Variants in CNIH3 observed in about 807,000 individuals in gnomAD.
CNIH3 encodes the protein protein cornichon homolog 3.
A neutral mutation model predicts 24.1 loss-of-function variants in CNIH3; 14 were observed. That is an observed-to-expected ratio of 0.58 (90% CI 0.38 to 0.91). The LOEUF (loss-of-function observed/expected upper bound fraction) is 0.91, where lower values mean the gene tolerates loss of function less well. CNIH3 is among the 40% of genes least tolerant of loss of function. The probability of loss-of-function intolerance (pLI) is 0.00; values close to 1 mark genes in which losing one functional copy is unlikely to be tolerated. For synonymous variants in CNIH3, 68 were observed against 73.8 expected (o/e 0.92, Z 0.40); for missense variants, 178 against 196.8 (o/e 0.90, Z 0.57).
chr1:224,625,495 G>T (rs961306056), intron 1 of CNIH3, among the ~76,000 whole-genome samples: 4 of 152,346 alleles, frequency 2.6e-5, no homozygotes, highest in Admixed American at 6.5e-5. Flanking sequence ...GACAGAGCTG[G>T]CAGTGAGCTG....
chr1:224,705,267 G>C (rs7511897), intron 3 of CNIH3, among the ~76,000 whole-genome samples: 70,230 of 152,114 alleles, frequency 0.46, 17,019 homozygotes, highest in Middle Eastern at 0.6. Flanking sequence ...AGTTCCCCAT[G>C]TATTTCTAAT....
At chr1:224,464,057 G>A (rs1003311639) in intron 1 of CNIH3, among the ~76,000 whole-genome samples, 15 of 151,992 alleles carry the variant, frequency 9.9e-5, no homozygotes, top group Admixed American at 1.3e-4. Flanking sequence ...CCAAAGTGCT[G>A]GGATTACAGG....
chr1:224,441,837 C>T (rs1053485993), intron 1 of CNIH3, among the ~76,000 whole-genome samples: 1 of 151,692 alleles, frequency 6.6e-6, no homozygotes, highest in African/African-American at 2.4e-5. Flanking sequence ...AATGTATAGG[C>T]AAACATGAAA....
At chr1:224,493,912 G>A (rs1677332944) in intron 1 of CNIH3, among the ~76,000 whole-genome samples, 1 of 152,136 alleles carries the variant, frequency 6.6e-6, no homozygotes, top group Non-Finnish European at 1.5e-5. Context: ...GCTTATCACT[G>A]CCACAGAACC....
chr1:224,646,859 G>A (rs1684629579), intron 1 of CNIH3, among the ~76,000 whole-genome samples: 1 of 152,204 alleles, frequency 6.6e-6, no homozygotes, highest in Non-Finnish European at 1.5e-5. Context: ...TGTCCAGTGT[G>A]TGACATTTTA....
chr1:224,671,714 C>G (rs946429386), intron 1 of CNIH3, among the ~76,000 whole-genome samples: 1 of 152,212 alleles, frequency 6.6e-6, no homozygotes, highest in Non-Finnish European at 1.5e-5. Context: ...TTCAACTACT[C>G]CATGACATCT....
chr1:224,483,684 C>T (rs1478999220), intron 1 of CNIH3, among the ~76,000 whole-genome samples: 2 of 152,034 alleles, frequency 1.3e-5, no homozygotes, highest in Non-Finnish European at 2.9e-5. Flanking sequence ...AGGTGTGAGC[C>T]ACCACACCCG....
chr1:224,668,790 G>A (rs1228911369), intron 1 of CNIH3, among the ~76,000 whole-genome samples: 2 of 152,124 alleles, frequency 1.3e-5, no homozygotes, highest in Non-Finnish European at 2.9e-5. Context: ...GGACGCACAA[G>A]TTTGGTGAGA....
intron 3 of CNIH3, among the ~76,000 whole-genome samples, chr1:224,559,216 C>CA (rs1178846600): frequency 2.0e-5 from 3 of 152,144 alleles, no homozygotes; most frequent in African/African-American, 7.2e-5. Flanking sequence ...GGGTTCTAGG[C>CA]AGACAGTTTT....
intron 2 of CNIH3, among the ~76,000 whole-genome samples, chr1:224,523,777 G>T (rs1291920332): frequency 6.6e-6 from 1 of 152,182 alleles, no homozygotes; most frequent in Non-Finnish European, 1.5e-5. Context: ...GTACAAATCA[G>T]TGATTCATTA....
intron 1 of CNIH3, among the ~76,000 whole-genome samples, chr1:224,625,761 C>T (rs145617366): frequency 6.5e-4 from 99 of 152,248 alleles, no homozygotes; most frequent in African/African-American, 2.2e-3. Flanking sequence ...CCAAAGAAGA[C>T]GAGCTGTGAC....
chr1:224,683,494 A>T (rs2125147642), intron 2 of CNIH3, among the ~76,000 whole-genome samples: 1 of 152,340 alleles, frequency 6.6e-6, no homozygotes, highest in African/African-American at 2.4e-5. Flanking sequence ...CAGGTGGCTT[A>T]AAAAAGCTAC....
chr1:224,686,765 C>G (rs1488311597), intron 3 of CNIH3, among the ~76,000 whole-genome samples: 1 of 152,246 alleles, frequency 6.6e-6, no homozygotes, highest in Non-Finnish European at 1.5e-5. Context: ...TCCGGCCAGG[C>G]AGCAGGCAAT....
chr1:224,440,182 A>G lies in CNIH3; in HGVS notation n.203+5320A>G, dbSNP rs1040295528. Among the ~76,000 whole-genome samples the G allele has an allele frequency of 1.1e-4, 16 of 152,328 alleles. No homozygotes were observed. In the South Asian group the frequency reaches 2.7e-3, roughly 26 times the overall value. On this transcript the variant is annotated intron_variant and non_coding_transcript_variant, in intron 1 of 5. Coordinates refer to the CNIH3 transcript ENST00000471578. ...ATGGTCCGCCTGCCTCGGCGTCCCA[A>G]AGTGCTGGGATTACAGGCATGGGCC...
chr1:224,571,541 A>T (rs1157398888), intron 4 of CNIH3, among the ~76,000 whole-genome samples: 4 of 152,206 alleles, frequency 2.6e-5, no homozygotes, highest in African/African-American at 9.6e-5. Flanking sequence ...CCTGGCCAAC[A>T]TGATGAAACC....
At chr1:224,698,553 C>A (rs1370808472) in intron 3 of CNIH3, among the ~76,000 whole-genome samples, 1 of 152,190 alleles carries the variant, frequency 6.6e-6, no homozygotes, top group East Asian at 1.9e-4. Context: ...CTGTAGAAGT[C>A]TCTGCATGAG....
At chr1:224,633,125 T>A in intron 1 of CNIH3, among the ~76,000 whole-genome samples, 1 of 152,162 alleles carries the variant, frequency 6.6e-6, no homozygotes, top group East Asian at 1.9e-4. Flanking sequence ...GTATGAGGTG[T>A]CAGGTTTCTC....
intron 3 of CNIH3, among the ~76,000 whole-genome samples, chr1:224,562,736 A>G (rs61186459): frequency 0.1 from 15,534 of 151,864 alleles, 2,446 homozygotes; most frequent in African/African-American, 0.34. Flanking sequence ...CCCTCCCCTC[A>G]CTGTCTCTCT....
chr1:224,593,136 T>G (rs1572543106), downstream of CNIH3, among the ~76,000 whole-genome samples: 1 of 150,264 alleles, frequency 6.7e-6, no homozygotes, highest in African/African-American at 2.4e-5. Context: ...CTATGTTACT[T>G]CCTCTTCTTT....
Sources: allele counts gnomAD v4.1 joint callset (sites outside exome capture counted in the v4.1 genomes callset), GRCh38; gene constraint gnomAD v4.1.1; transcripts MANE v1.5; gene names NCBI Gene and HGNC (gene_info 2026-07-23, HGNC 2026-07-21).